Variants in GLRA3 observed in about 807,000 individuals in gnomAD.
GLRA3 encodes glycine receptor subunit alpha-3.
A neutral mutation model predicts 60.4 loss-of-function variants in GLRA3; 44 were observed. The observed-to-expected ratio is 0.73, with a 90% CI of 0.57 to 0.94. The LOEUF (loss-of-function observed/expected upper bound fraction) is 0.94, where lower values mean the gene tolerates loss of function less well. Ranked by LOEUF, GLRA3 falls within the 40% of genes least tolerant of loss-of-function variation. The pLI is 0.00. For synonymous variants in GLRA3, 223 were observed against 192.9 expected (o/e 1.16, Z -1.29); for missense variants, 508 against 564.6 (o/e 0.90, Z 1.02).
intron 1 of GLRA3, among the ~76,000 whole-genome samples, chr4:174,806,791 T>G (rs916774119): frequency 7.2e-5 from 11 of 152,038 alleles, no homozygotes; most frequent in Non-Finnish European, 1.5e-4. Context: ...AAGGGATGAC[T>G]GTATATGTAT....
At chr4:174,652,643 C>T (rs1328603220) in intron 9 of GLRA3, among the ~76,000 whole-genome samples, 2 of 151,954 alleles carry the variant, frequency 1.3e-5, no homozygotes, top group East Asian at 3.9e-4. Context: ...TGTCTCTTTT[C>T]ATTTTATTTC....
At chr4:174,810,559 T>A (rs1233950223) in intron 1 of GLRA3, among the ~76,000 whole-genome samples, 4 of 152,086 alleles carry the variant, frequency 2.6e-5, no homozygotes, top group Non-Finnish European at 5.9e-5. Flanking sequence ...AGAAGGGAAC[T>A]AAGACAGTGT....
At chr4:174,783,166 G>T (rs969694148) in intron 2 of GLRA3, among the ~76,000 whole-genome samples, 1 of 151,478 alleles carries the variant, frequency 6.6e-6, no homozygotes, top group Non-Finnish European at 1.5e-5. Context: ...ATAACGCCGC[G>T]TATCTACAAC....
intron 1 of GLRA3, among the ~76,000 whole-genome samples, chr4:174,823,541 AG>A (rs1324067476): frequency 6.6e-6 from 1 of 152,154 alleles, no homozygotes; most frequent in Non-Finnish European, 1.5e-5. Flanking sequence ...AGAAAAAAAA[AG>A]AATTTATTTT....
intron 7 of GLRA3, among the ~76,000 whole-genome samples, chr4:174,660,604 A>G (rs750971572): frequency 1.3e-5 from 2 of 152,220 alleles, no homozygotes; most frequent in Non-Finnish European, 1.5e-5. Context: ...TTGAAGCTAT[A>G]TAAGTATTCT....
intron 1 of GLRA3, among the ~76,000 whole-genome samples, chr4:174,817,318 G>A (rs1311821724): frequency 6.6e-6 from 1 of 152,182 alleles, no homozygotes; most frequent in Non-Finnish European, 1.5e-5. Context: ...CGTTAAGGGT[G>A]GCAAAACAAG....
At chr4:174,812,458 T>C (rs1740310116) in intron 1 of GLRA3, among the ~76,000 whole-genome samples, 1 of 152,136 alleles carries the variant, frequency 6.6e-6, no homozygotes, top group Non-Finnish European at 1.5e-5. Flanking sequence ...ATCTTAAGTA[T>C]ATTCAAGACA....
At chr4:174,644,254 G>A (rs1435828255) in intron 9 of GLRA3, among the ~76,000 whole-genome samples, 190 bp from the exon 10 acceptor site, 1 of 151,802 alleles carries the variant, frequency 6.6e-6, no homozygotes, top group Non-Finnish European at 1.5e-5. Context: ...TTGCTGCATT[G>A]TATAGCTGTG....
chr4:174,693,434 T>G (rs190993555), intron 5 of GLRA3, among the ~76,000 whole-genome samples: 8 of 152,298 alleles, frequency 5.3e-5, no homozygotes, highest in Admixed American at 3.3e-4. Context: ...CCATTGATTT[T>G]TTTTGTCAGC....
intron 9 of GLRA3, among the ~76,000 whole-genome samples, chr4:174,644,745 T>C (rs1038683972): frequency 6.6e-6 from 1 of 152,154 alleles, no homozygotes; most frequent in Non-Finnish European, 1.5e-5. Flanking sequence ...GTTAAGAACA[T>C]AAACTTTTCA....
In GLRA3 at chr4:174,692,153, C is replaced by T. The variant is rs1241311529; in HGVS notation, c.575-9214G>A. Among the ~76,000 whole-genome samples the T allele has an allele frequency of 3.9e-5, 6 of 152,070 alleles. No homozygotes were observed. The East Asian group carries it at 1.2e-3, about 30-fold the overall frequency. ...CTGAGAAGTGAGGAGCCCCTCCGCC[C>T]AGCAGCCACCCTGTCTGGGAAGTGA... On this transcript the variant is annotated intron_variant, in intron 5 of 9. Transcript: ENST00000274093.
At chr4:174,724,060 GTGTA>G (rs1451643108) in intron 4 of GLRA3, among the ~76,000 whole-genome samples, 4 of 150,652 alleles carry the variant, frequency 2.7e-5, no homozygotes, top group East Asian at 1.9e-4. Flanking sequence ...GTGTGTGTGT[GTGTA>G]TATATATATG....
intron 2 of GLRA3, among the ~76,000 whole-genome samples, chr4:174,779,493 C>T (rs1041439974): frequency 6.6e-6 from 1 of 152,108 alleles, no homozygotes; most frequent in African/African-American, 2.4e-5. Flanking sequence ...GAGAAGGCGG[C>T]TTCAGATGAT....
intron 3 of GLRA3, among the ~76,000 whole-genome samples, chr4:174,764,882 A>G (rs2111232271): frequency 6.6e-6 from 1 of 152,212 alleles, no homozygotes; most frequent in Admixed American, 6.6e-5. Context: ...ATTGAATCTG[A>G]TCATTTTAAT....
chr4:174,701,003 A>G (rs1735296159), intron 5 of GLRA3, among the ~76,000 whole-genome samples: 1 of 152,242 alleles, frequency 6.6e-6, no homozygotes, highest in Non-Finnish European at 1.5e-5. Flanking sequence ...CAAGATATCC[A>G]GAAGACCTAG....
chr4:174,731,276 A>G (rs1736535464), intron 3 of GLRA3, among the ~76,000 whole-genome samples: 1 of 152,192 alleles, frequency 6.6e-6, no homozygotes, highest in Non-Finnish European at 1.5e-5. Flanking sequence ...CATTATACCC[A>G]GCAACCAATT....
chr4:174,695,444 C>T (rs920965848), intron 5 of GLRA3, among the ~76,000 whole-genome samples: 2 of 151,992 alleles, frequency 1.3e-5, no homozygotes, highest in African/African-American at 2.4e-5. Context: ...ATATGCAAAT[C>T]GATAAATGTG....
intron 1 of GLRA3, among the ~76,000 whole-genome samples, chr4:174,790,752 G>A (rs1333061946): frequency 1.3e-5 from 2 of 150,444 alleles, no homozygotes; most frequent in East Asian, 1.9e-4. Context: ...AGGCCGAAGC[G>A]GGTGGATCAC....
chr4:174,708,492 C>A (rs1360341806), intron 5 of GLRA3, among the ~76,000 whole-genome samples: 2 of 151,284 alleles, frequency 1.3e-5, no homozygotes, highest in East Asian at 3.9e-4. Flanking sequence ...TTAACAATTA[C>A]CCTGTAATTT....
Sources: allele counts gnomAD v4.1 joint callset (sites outside exome capture counted in the v4.1 genomes callset), GRCh38; gene constraint gnomAD v4.1.1; transcripts MANE v1.5; gene names NCBI Gene and HGNC (gene_info 2026-07-23, HGNC 2026-07-21).